Variants in ZCCHC8 observed in about 807,000 individuals in gnomAD.
ZCCHC8 encodes zinc finger CCHC domain-containing protein 8.
ZCCHC8 carries 27 observed loss-of-function variants against 70.6 expected under a neutral mutation model. The observed-to-expected ratio is 0.38, with a 90% CI of 0.28 to 0.53. The LOEUF (loss-of-function observed/expected upper bound fraction) is 0.53. ZCCHC8 is among the 20% of genes least tolerant of loss of function. The pLI, the probability that ZCCHC8 is intolerant of heterozygous loss-of-function variation, is 0.81. For synonymous variants in ZCCHC8, 293 were observed against 317.4 expected, an observed-to-expected ratio of 0.92 and a Z score of 0.82; for missense variants, 737 against 876.9, an observed-to-expected ratio of 0.84 and a Z score of 2.01.
At position 122,480,352 on chromosome 12, in the gene ZCCHC8, A is replaced by G. The variant is rs753607566; in HGVS notation, c.1019-41T>C. On this transcript the variant is annotated intron_variant, in intron 10 of 13. Transcript: ENST00000633063. ...AAAAGTGTTAATATTGCTAAATGTC[A>G]ATATATATCCCTCCCCAGACCAAAA... 5.8e-6 allele frequency: 9 copies of G among 1,542,286 alleles called. No individual in the cohort carries two copies. In the Middle Eastern group the frequency reaches 5.1e-4, roughly 88 times the overall value.
At chr12:122,479,967 C>A (rs1957498830) in intron 11 of ZCCHC8, among the ~76,000 whole-genome samples, 1 of 152,100 alleles carries the variant, frequency 6.6e-6, no homozygotes, top group South Asian at 2.1e-4. Flanking sequence ...TGTGCCACCA[C>A]CCTTGGCTAG....
rs11608711 is a variant in ZCCHC8, at chr12:122,472,295, A to T, written c.*1202T>A. 1 of 147,910 alleles carries T rather than the reference A, an allele frequency of 6.8e-6. No individual in the cohort carries two copies. The highest frequency in any genetic ancestry group is 2.5e-5 in the African/African-American group (1 of 40,286). 9.2% of individuals were successfully genotyped at this position (147,910 alleles called of 1,614,324 possible). On this transcript the variant is annotated 3_prime_UTR_variant, in exon 14 of 14. Coordinates refer to ENST00000633063, the MANE Select transcript of ZCCHC8 (RefSeq NM_017612.5). ...CGACCTCGGCTCACTGCAACCTCCCACTCCCAGGTTCAAGTGATTCTCCTG... is the reference window on the plus strand; with the variant it reads ...CGACCTCGGCTCACTGCAACCTCCCTCTCCCAGGTTCAAGTGATTCTCCTG...
In ZCCHC8 at chr12:122,482,004, C is replaced by T; in HGVS notation, c.816G>A (p.Gln272=). 1 of 1,613,412 alleles carries T rather than the reference C, an allele frequency of 6.2e-7. No homozygotes were observed. The highest frequency in any genetic ancestry group is 8.5e-7 in the Non-Finnish European group (1 of 1,179,740). Residue 272 remains glutamine, a synonymous_variant, in exon 9 of 14, where the codon CAG becomes CAA. Transcript: ENST00000633063. ...CGEANNQNFQ[Q]RYHAEEVEER... is the part of the protein sequence containing the mutation. ...CTTCTACTTCTTCTGCGTGGTATCG[C>T]TGCTGGAAATTCTGATTGTTTGCTT...
intron 2 of ZCCHC8, among the ~76,000 whole-genome samples, chr12:122,497,624 T>A (rs1957846460): frequency 1.3e-5 from 2 of 152,180 alleles, no homozygotes; most frequent in Admixed American, 1.3e-4. Context: ...GAAAATATAA[T>A]TTCTCATAAT....
Position 122,500,522 on chromosome 12 carries a change from C to T in ZCCHC8, c.199+120G>A. ...CGGGTGACAGAAAGCACTTGGAATT[C>T]TGGCCCTCCTGGAACTTCCGCCCGC... On this transcript the variant is annotated intron_variant, in intron 1 of 13. Coordinates refer to ENST00000633063, the MANE Select transcript of ZCCHC8 (RefSeq NM_017612.5). The surrounding 1 kb of genome is among the most constrained non-coding windows in gnomAD (Gnocchi z 4.8). The T allele has an allele frequency of 8.0e-7, 1 of 1,244,576 alleles. No homozygotes were observed. Among genetic ancestry groups the T allele is most frequent in the East Asian group, 2.6e-5 (1 of 39,030 alleles). The allele number at this position is 1,244,576 out of a possible 1,614,324, so 77.1% of individuals were successfully genotyped here.
rs184370017 is a variant in ZCCHC8, at chr12:122,473,711, T to A, written c.1910A>T (p.Asn637Ile). 4.8e-5 allele frequency: 78 copies of A among 1,613,968 alleles called. No individual in the cohort carries two copies. The highest frequency in any genetic ancestry group is 6.4e-5 in the Non-Finnish European group (76 of 1,179,888). The change falls in exon 14 of 14, where the codon AAT becomes ATT. Residue 637 changes from asparagine (N) to isoleucine (I), a missense_variant. Physicochemically the swap from Asn to Ile is moderately radical, Grantham distance 149. Transcript: ENST00000633063. ...AGGAAAGAGCTTCTGGCTGCCCCCA[T>A]TGCTGATGTCACAGTTTGGTACGAC... is the stretch of plus-strand genomic sequence containing the variant. ...GSVVPNCDIS[N>I]GGSQKLFPAD...
Position 122,485,107 on chromosome 12 carries a change from GTTA to G in ZCCHC8, c.502-1547_502-1545del, listed in dbSNP as rs1220956581. On this transcript the variant is annotated intron_variant, in intron 5 of 13. Coordinates refer to ENST00000633063, the MANE Select transcript of ZCCHC8 (RefSeq NM_017612.5). ...TATGCTTACGACTTCTAAAGGTCAA[GTTA>G]TTATTATTATTTTTTGAGACGGAGT... 3.3e-5 allele frequency among the ~76,000 whole-genome samples: 5 copies of G among 152,076 alleles called. No individual in the cohort carries two copies. In the East Asian group the frequency reaches 5.8e-4, roughly 18 times the overall value.
chr12:122,482,242 A>G, intron 8 of ZCCHC8, 155 bp from the exon 9 acceptor site: 1 of 756,534 alleles, frequency 1.3e-6, no homozygotes, highest in Non-Finnish European at 1.9e-6. Context: ...TTTTAGAAAA[A>G]TACGTAAGGA....
chr12:122,476,548 C>T (rs752525264), intron 13 of ZCCHC8, among the ~76,000 whole-genome samples: 7 of 151,390 alleles, frequency 4.6e-5, no homozygotes, highest in East Asian at 1.9e-4. Context: ...GAGCCATGAT[C>T]GCACCACTGC....
At position 122,476,793 on chromosome 12, in the gene ZCCHC8, C is replaced by T. The variant is rs574161943; in HGVS notation, c.1345+1048G>A. Among the ~76,000 whole-genome samples the T allele has an allele frequency of 2.3e-4, 35 of 152,072 alleles. 1 individual carries two copies. The highest frequency in any genetic ancestry group is 1.5e-5 in the Non-Finnish European group (1 of 67,966). On this transcript the variant is annotated intron_variant, in intron 13 of 13. Coordinates refer to ENST00000633063, the MANE Select transcript of ZCCHC8 (RefSeq NM_017612.5). ...ATCCCAGCACTTTGGGAGGTGGAGG[C>T]GGGCAGATCACCTGAGGTCAGGAGC...
At chr12:122,484,862 A>G (rs1957603635) in intron 5 of ZCCHC8, among the ~76,000 whole-genome samples, 1 of 152,142 alleles carries the variant, frequency 6.6e-6, no homozygotes, top group Admixed American at 6.5e-5. Context: ...GTGACAATTG[A>G]CACAATTCTT....
chr12:122,499,092 C>T, intron 1 of ZCCHC8: 1 of 551,058 alleles, frequency 1.8e-6, no homozygotes, highest in Non-Finnish European at 3.2e-6. Flanking sequence ...TATTCTAAGA[C>T]ACGATCCTGA....
At position 122,494,324 on chromosome 12, in the gene ZCCHC8, C is replaced by T. The variant is rs181040173; in HGVS notation, c.243-1535G>A. Among the ~76,000 whole-genome samples the T allele has an allele frequency of 1.2e-3, 187 of 151,658 alleles. 1 individual carries two copies. The highest frequency in any genetic ancestry group is 4.3e-3 in the African/African-American group (179 of 41,316). Reference sequence around the variant, plus strand: ...ATCCCAGCACTTTGGGAGGCAGAGGCGGGTGGATCACGAGGTCAGGAGTTC... The same window carrying T: ...ATCCCAGCACTTTGGGAGGCAGAGGTGGGTGGATCACGAGGTCAGGAGTTC... On this transcript the variant is annotated intron_variant, in intron 2 of 13. Coordinates refer to ENST00000633063, the MANE Select transcript of ZCCHC8 (RefSeq NM_017612.5).
In ZCCHC8 at chr12:122,473,600, T is replaced by A; in HGVS notation, c.2021A>T (p.Glu674Val). 6.2e-7 allele frequency: 1 copy of A among 1,614,004 alleles called. No individual in the cohort carries two copies. Among genetic ancestry groups the A allele is most frequent in the Non-Finnish European group, 8.5e-7 (1 of 1,179,904 alleles). Residue 674 changes from glutamate (E) to valine (V), a missense_variant, in exon 14 of 14, where the codon GAA becomes GTA. Glu to Val is a moderately radical substitution (Grantham distance 121). Coordinates refer to ENST00000633063, the MANE Select transcript of ZCCHC8 (RefSeq NM_017612.5). The stretch of plus-strand genomic sequence containing the variant: ...AGTAGATTCTGCCATATTCTCAAAT[T>A]CAAATGGCGTGATTCCAGTTGCAAA... ...SKFATGITPF[E>V]FENMAESTGM... is the part of the protein sequence containing the mutation.
At chr12:122,498,981 G>C (rs181221841) in intron 1 of ZCCHC8, 112 bp from the exon 2 acceptor site, 1 of 1,032,206 alleles carries the variant, frequency 9.7e-7, no homozygotes, top group Non-Finnish European at 1.5e-6. Context: ...AAAGACCCAC[G>C]GATATTTTGA....
At position 122,473,477 on chromosome 12, in the gene ZCCHC8, C is replaced by T. The variant is rs563787285; in HGVS notation, c.*20G>A. ...AACGGAACAAAGTTATTAAATAGCTCTCAGTGCTAAGTCAAGCCATTATTC... is the reference window on the plus strand; with the variant it reads ...AACGGAACAAAGTTATTAAATAGCTTTCAGTGCTAAGTCAAGCCATTATTC... On this transcript the variant is annotated 3_prime_UTR_variant, in exon 14 of 14. Coordinates refer to ENST00000633063, the MANE Select transcript of ZCCHC8 (RefSeq NM_017612.5). 5.0e-6 allele frequency: 8 copies of T among 1,605,666 alleles called. No individual in the cohort carries two copies. Among genetic ancestry groups the T allele is most frequent in the Middle Eastern group, 1.7e-4 (1 of 6,042 alleles).
Position 122,486,871 on chromosome 12 carries a change from C to T in ZCCHC8, c.501+2515G>A, listed in dbSNP as rs966999972. On this transcript the variant is annotated intron_variant, in intron 5 of 13. Transcript: ENST00000633063. ...AGATGTGAGCCGCCGTGCCAGGCCA[C>T]GGGCCTGGTTTTAAGCCCTGCCCTG... Among the ~76,000 whole-genome samples the T allele has an allele frequency of 1.7e-4, 26 of 152,250 alleles. No homozygotes were observed. The East Asian group carries it at 3.9e-3, about 23-fold the overall frequency.
Position 122,482,042 on chromosome 12 carries a change from C to T in ZCCHC8, c.778G>A (p.Asp260Asn). ...RISEKRKEYMDACGEANNQNF... is the reference protein window; with the variant it reads ...RISEKRKEYMNACGEANNQNF... ...TGATTGTTTGCTTCTCCACAGGCAT[C>T]CATATACTCTTTTCTCTTTTCACTT... The change falls in exon 9 of 14, where the codon GAT becomes AAT. Residue 260 changes from aspartate to asparagine, a missense_variant. Physicochemically the swap from Asp to Asn is conservative, Grantham distance 23. Transcript: ENST00000633063. 1 of 1,612,370 alleles carries T rather than the reference C, an allele frequency of 6.2e-7. No individual in the cohort carries two copies. Among genetic ancestry groups the T allele is most frequent in the South Asian group, 1.1e-5 (1 of 90,842 alleles).
intron 10 of ZCCHC8, chr12:122,480,878 G>T (rs1957519786): frequency 6.6e-6 from 1 of 152,308 alleles, no homozygotes; most frequent in South Asian, 2.1e-4. Flanking sequence ...CAAAAATCCT[G>T]GGATTACAGC....
Sources: gnomAD v4.1 joint callset for allele counts (sites outside exome capture counted in the v4.1 genomes callset) on GRCh38, gnomAD v4.1.1 for gene constraint, Gnocchi (gnomAD v3.1) non-coding constraint, MANE v1.5 for transcripts, NCBI Gene and HGNC (gene_info 2026-07-23, HGNC 2026-07-21) for gene names.